The following C12orf42 variants were observed in gnomAD, a reference collection of about 807,000 sequenced individuals.
C12orf42 encodes the protein chromosome 12 open reading frame 42.
A neutral mutation model predicts 21.6 loss-of-function variants in C12orf42; 25 were observed. That is an observed-to-expected ratio of 1.16 (90% CI 0.84 to 1.62). The LOEUF is 1.62. Ranked by LOEUF, C12orf42 falls within the 40% of genes most tolerant of loss-of-function variation. The pLI, the probability that C12orf42 is intolerant of heterozygous loss-of-function variation, is 0.00. For missense variants in C12orf42, 483 were observed against 459.3 expected (o/e 1.05, Z -0.47); for synonymous variants, 174 against 175.0 (o/e 0.99, Z 0.05).
the C12orf42 span, among the ~76,000 whole-genome samples, chr12:103,115,912 C>T: frequency 2.0e-5 from 3 of 152,166 alleles, no homozygotes; most frequent in Admixed American, 1.3e-4. Context: ...TCATGGGGTG[C>T]TTTGGACTTG....
At chr12:103,324,550 C>T (rs1474245792) in intron 4 of C12orf42, among the ~76,000 whole-genome samples, 1 of 152,098 alleles carries the variant, frequency 6.6e-6, no homozygotes, top group Non-Finnish European at 1.5e-5. Flanking sequence ...TACTACTGGG[C>T]CATATGGAGT....
chr12:103,048,869 T>G, the C12orf42 span, among the ~76,000 whole-genome samples: 3 of 152,178 alleles, frequency 2.0e-5, no homozygotes, highest in Non-Finnish European at 4.4e-5. Flanking sequence ...AGGATATGCC[T>G]CTTCCCTCAG....
the C12orf42 span, among the ~76,000 whole-genome samples, chr12:103,093,024 T>C: frequency 6.6e-6 from 1 of 152,202 alleles, no homozygotes; most frequent in Non-Finnish European, 1.5e-5. Context: ...TGGCCTTGCA[T>C]AGGACTCTGT....
At chr12:103,136,708 C>A in the C12orf42 span, among the ~76,000 whole-genome samples, 6 of 152,122 alleles carry the variant, frequency 3.9e-5, no homozygotes, top group Non-Finnish European at 4.4e-5. Flanking sequence ...ACAGAGTACA[C>A]AATCCAGAAA....
At chr12:103,471,654 C>T (rs1376214915) in intron 2 of C12orf42, among the ~76,000 whole-genome samples, 1 of 152,194 alleles carries the variant, frequency 6.6e-6, no homozygotes, top group Non-Finnish European at 1.5e-5. Context: ...ACCCCAAACC[C>T]AGATTTTAAC....
the C12orf42 span, among the ~76,000 whole-genome samples, chr12:103,142,584 AAG>A: frequency 6.6e-6 from 1 of 152,160 alleles, no homozygotes; most frequent in Non-Finnish European, 1.5e-5. Context: ...AGAGAGAGAA[AAG>A]AGAGTGACAG....
At chr12:103,542,997 T>A in the C12orf42 span, among the ~76,000 whole-genome samples, 1 of 152,166 alleles carries the variant, frequency 6.6e-6, no homozygotes, top group Non-Finnish European at 1.5e-5. Context: ...CCAAGGAATG[T>A]GTGAATGGTA....
the C12orf42 span, among the ~76,000 whole-genome samples, chr12:103,227,037 G>A: frequency 9.9e-4 from 150 of 152,236 alleles, 2 homozygotes; most frequent in African/African-American, 3.4e-3. Flanking sequence ...GGGGTCAAGC[G>A]GCATTGCAGA....
intron 4 of C12orf42, among the ~76,000 whole-genome samples, chr12:103,285,182 A>G (rs2036368103): frequency 6.6e-6 from 1 of 152,238 alleles, no homozygotes; most frequent in Non-Finnish European, 1.5e-5. Context: ...TTAGTTGTAT[A>G]AGGATTGCTC....
At chr12:103,169,728 T>C in the C12orf42 span, among the ~76,000 whole-genome samples, 1 of 151,842 alleles carries the variant, frequency 6.6e-6, no homozygotes, top group African/African-American at 2.4e-5. Context: ...GGATATATCA[T>C]TAAAAAGATA....
At chr12:103,199,477 A>G in the C12orf42 span, among the ~76,000 whole-genome samples, 1 of 152,214 alleles carries the variant, frequency 6.6e-6, no homozygotes, top group Non-Finnish European at 1.5e-5. Context: ...AGTCAACCTA[A>G]AAGTCTTCCT....
At chr12:103,340,267 C>T (rs1002132184) in intron 4 of C12orf42, among the ~76,000 whole-genome samples, 1 of 152,150 alleles carries the variant, frequency 6.6e-6, no homozygotes. Flanking sequence ...TGAATGGCAG[C>T]GAGGAAACTG....
chr12:103,201,050 G>A, the C12orf42 span, among the ~76,000 whole-genome samples: 4 of 152,172 alleles, frequency 2.6e-5, no homozygotes, highest in Non-Finnish European at 5.9e-5. Context: ...GTCAGTTGGC[G>A]AGAGGTCAGG....
At chr12:103,296,983 A>G (rs532189333), downstream of C12orf42, among the ~76,000 whole-genome samples, 124 of 152,262 alleles carry the variant, frequency 8.1e-4, no homozygotes, top group Non-Finnish European at 1.5e-3. Flanking sequence ...TAGGGTTTTT[A>G]TGGTTTTAGG....
the C12orf42 span, among the ~76,000 whole-genome samples, chr12:103,085,727 C>T: frequency 6.6e-6 from 1 of 152,050 alleles, no homozygotes; most frequent in African/African-American, 2.4e-5. Flanking sequence ...AAGTAGTAGG[C>T]CTCAGCTTTC....
the C12orf42 span, among the ~76,000 whole-genome samples, chr12:103,114,074 A>C: frequency 2.6e-5 from 4 of 152,210 alleles, no homozygotes; most frequent in Admixed American, 6.5e-5. Flanking sequence ...CTACTAGAAA[A>C]ATTCTAAAAA....
At chr12:103,437,995 C>T (rs1448658220) in intron 2 of C12orf42, among the ~76,000 whole-genome samples, 4 of 150,642 alleles carry the variant, frequency 2.7e-5, no homozygotes, top group African/African-American at 9.8e-5. Context: ...AGCATCGATG[C>T]AAAAATCCTC....
At chr12:103,414,429 A>C (rs2049125755) in intron 2 of C12orf42, among the ~76,000 whole-genome samples, 1 of 152,136 alleles carries the variant, frequency 6.6e-6, no homozygotes, top group Non-Finnish European at 1.5e-5. Flanking sequence ...TTCTGCAAAG[A>C]ATAACATTGG....
the C12orf42 span, among the ~76,000 whole-genome samples, chr12:103,090,349 C>G: frequency 1.3e-5 from 2 of 152,006 alleles, no homozygotes; most frequent in Non-Finnish European, 1.5e-5. Context: ...AATGCTGAAG[C>G]CTTGAGGAGC....
Sources: gnomAD v4.1 joint callset for allele counts (sites outside exome capture counted in the v4.1 genomes callset) on GRCh38, gnomAD v4.1.1 for gene constraint, MANE v1.5 for transcripts, NCBI Gene and HGNC (gene_info 2026-07-23, HGNC 2026-07-21) for gene names.